Variants in LY75 observed in about 807,000 individuals in gnomAD.
The protein encoded by LY75 is lymphocyte antigen 75.
In LY75, 185 loss-of-function variants were observed where a neutral mutation model predicts 231.7. That is an observed-to-expected ratio of 0.80 (90% confidence interval 0.71 to 0.90). The LOEUF is 0.90. Among genes scored for constraint, LY75 ranks in the 40% least tolerant of loss-of-function variants. The pLI is 0.00. For missense variants in LY75, 1,947 were observed against 2,050.2 expected, an observed-to-expected ratio of 0.95 and a Z score of 0.97; for synonymous variants, 668 against 689.0, an observed-to-expected ratio of 0.97 and a Z score of 0.48.
intron 5 of LY75, among the ~76,000 whole-genome samples, chr2:159,886,098 G>C (rs1486256292): frequency 6.6e-6 from 1 of 152,120 alleles, no homozygotes; most frequent in East Asian, 1.9e-4. Context: ...ACACAGCATG[G>C]GTGAGTTATA....
chr2:159,819,773 G>A lies in LY75; in HGVS notation c.4106C>T (p.Ala1369Val). The A allele has an allele frequency of 2.5e-6, 4 of 1,613,706 alleles. No homozygotes were observed. Among genetic ancestry groups the A allele is most frequent in the Non-Finnish European group, 3.4e-6 (4 of 1,179,872 alleles). The change falls in exon 29 of 35, where the codon GCA becomes GTA. Residue 1369 changes from alanine (A) to valine (V), a missense_variant. Ala to Val is a moderately conservative substitution (Grantham distance 64). Transcript: ENST00000263636. ...AATGCTGTGCTGGTGAAAATAAACT[G>A]CTTCTTCAATAACTTTAAAGGTTTG... ...DIQTFKVIEE[A>V]VYFHQHSILA...
chr2:159,825,300 C>A (rs1683427029), intron 28 of LY75, among the ~76,000 whole-genome samples: 1 of 152,132 alleles, frequency 6.6e-6, no homozygotes, highest in South Asian at 2.1e-4. Flanking sequence ...CACAGAAATA[C>A]AAACTACCAT....
intron 32 of LY75, among the ~76,000 whole-genome samples, chr2:159,808,939 G>A (rs1461620350): frequency 6.6e-6 from 1 of 152,120 alleles, no homozygotes; most frequent in African/African-American, 2.4e-5. Flanking sequence ...TTTGAACCCA[G>A]ACCCTCATGC....
rs1263441402 is a variant in LY75 at position 159,806,883 on chromosome 2, C to T, written c.4990+90G>A. On this transcript the variant is annotated intron_variant, in intron 34 of 34. Transcript: ENST00000263636. Reference sequence around the variant, plus strand: ...ACTTTAAGGACTAAATACTTCAAGACTAAATACAGAATTTTGTACATAATT... The same window carrying T: ...ACTTTAAGGACTAAATACTTCAAGATTAAATACAGAATTTTGTACATAATT... 4.8e-6 allele frequency: 7 copies of T among 1,460,426 alleles called. No homozygotes were observed. The African/African-American group carries it at 9.9e-5, about 21-fold the overall frequency. The allele number at this position is 1,460,426 out of a possible 1,614,324, so 90.5% of individuals were successfully genotyped here.
chr2:159,888,547 A>G (rs2125880866), intron 4 of LY75, among the ~76,000 whole-genome samples: 1 of 152,354 alleles, frequency 6.6e-6, no homozygotes, highest in African/African-American at 2.4e-5. Context: ...TAATGGATTT[A>G]TCTGGAGAAA....
intron 30 of LY75, among the ~76,000 whole-genome samples, chr2:159,815,787 A>T (rs866548235): frequency 1.3e-5 from 2 of 152,364 alleles, no homozygotes; most frequent in African/African-American, 4.8e-5. Context: ...GGAGAACTTT[A>T]AACTTACAGA....
intron 6 of LY75, among the ~76,000 whole-genome samples, chr2:159,883,375 TAACTC>T (rs1163551680): frequency 3.3e-5 from 5 of 149,626 alleles, no homozygotes; most frequent in Admixed American, 7.0e-5. Context: ...ACTTGCGAGA[TAACTC>T]AATTAACTTT....
chr2:159,865,269 G>T (rs1297932095), intron 13 of LY75, among the ~76,000 whole-genome samples: 2 of 152,086 alleles, frequency 1.3e-5, no homozygotes, highest in Non-Finnish European at 2.9e-5. Context: ...TAAAGTGTTT[G>T]TCTATAACAC....
At chr2:159,858,265 T>A in intron 16 of LY75, 97 bp downstream of exon 16, 10 of 1,448,360 alleles carry the variant, frequency 6.9e-6, no homozygotes, top group Non-Finnish European at 8.3e-6. Flanking sequence ...CTTTTAGACA[T>A]CAGAATTATA....
At chr2:159,812,285 CT>C (rs34316295) in intron 31 of LY75, 50,213 of 133,738 alleles carry the variant, frequency 0.38, 9,117 homozygotes, top group Admixed American at 0.5. Context: ...GCTTCCAACT[CT>C]TTTTTTTTTT....
intron 28 of LY75, among the ~76,000 whole-genome samples, chr2:159,831,284 A>G (rs539714810): frequency 3.9e-5 from 6 of 152,274 alleles, no homozygotes; most frequent in South Asian, 2.1e-4. Flanking sequence ...CTGCTCCACC[A>G]TAGTAAAACC....
At chr2:159,824,524 C>A (rs573701824) in intron 28 of LY75, among the ~76,000 whole-genome samples, 99 of 152,270 alleles carry the variant, frequency 6.5e-4, no homozygotes, top group African/African-American at 2.2e-3. Flanking sequence ...TAGTGGGAGA[C>A]TTTAACACCC....
At position 159,807,060 on chromosome 2, in the gene LY75, A is replaced by G. The variant is rs754096726; in HGVS notation, c.4903T>C (p.Cys1635Arg). The stretch of plus-strand genomic sequence containing the variant: ...TCATTTGAAGCTATCAACATGCTAC[A>G]TCTTCCAACACCACTCTTACTTTTA... The part of the protein sequence containing the change: ...ENKSKSGVGR[C>R]SMLIASNETW... Residue 1635 changes from cysteine to arginine, a missense_variant, in exon 34 of 35, where the codon TGT becomes CGT. Cys to Arg is a radical substitution (Grantham distance 180, BLOSUM62 -3). Coordinates refer to ENST00000263636, the MANE Select transcript of LY75 (RefSeq NM_002349.4). 1.2e-6 allele frequency: 2 copies of G among 1,613,972 alleles called. No homozygotes were observed. Among genetic ancestry groups the G allele is most frequent in the South Asian group, 1.1e-5 (1 of 91,030 alleles).
At position 159,878,320 on chromosome 2, in the gene LY75, T is replaced by C. The variant is rs1250168731; in HGVS notation, c.1774+4A>G. The C allele has an allele frequency of 6.2e-6, 10 of 1,613,458 alleles. No homozygotes were observed. In the South Asian group the frequency reaches 9.9e-5, roughly 16 times the overall value. The stretch of plus-strand genomic sequence containing the variant: ...ACTACTACTTCAAAGATTAAGACAC[T>C]CACCTGGCTCAAGAAAATTCCAGTT... On this transcript the variant is annotated splice_donor_region_variant and intron_variant, in intron 11 of 34. Transcript: ENST00000263636.
rs548130766 is a variant in LY75, at chr2:159,814,755, G to A, written c.4549+650C>T. 2.6e-5 allele frequency among the ~76,000 whole-genome samples: 4 copies of A among 151,680 alleles called. No individual in the cohort carries two copies. The South Asian group carries it at 6.3e-4, about 24-fold the overall frequency. ...GAAACTCTCTTAGAAACTTTAATAC[G>A]GTAAATCACATGAGGTGTTCCCCAA... On this transcript the variant is annotated intron_variant, in intron 31 of 34. Coordinates refer to ENST00000263636, the MANE Select transcript of LY75 (RefSeq NM_002349.4).
rs1224824459 is a variant in LY75, at chr2:159,898,726, C to G, written c.428G>C (p.Gly143Ala). 6.2e-7 allele frequency: 1 copy of G among 1,614,138 alleles called. No individual in the cohort carries two copies. Among genetic ancestry groups the G allele is most frequent in the Non-Finnish European group, 8.5e-7 (1 of 1,179,976 alleles). ...GTCACAAAGGCTTTCCTCTGAGCCT[C>G]CTTTCTTCCAGACATCAGATGCATT... ...ISNASDVWKK[G>A]GSEESLCDQP... The change falls in exon 2 of 35, where the codon GGA (glycine) becomes GCA (alanine). Residue 143 changes from glycine (G) to alanine (A), a missense_variant. Gly to Ala is a moderately conservative substitution (Grantham distance 60). Transcript: ENST00000263636.
At chr2:159,863,228 G>T (rs910428394) in intron 14 of LY75, among the ~76,000 whole-genome samples, 2 of 152,034 alleles carry the variant, frequency 1.3e-5, no homozygotes, top group Non-Finnish European at 2.9e-5. Flanking sequence ...CACTTAGGTT[G>T]ATTTCCTATC....
At chr2:159,863,277 A>G (rs1226012730) in intron 14 of LY75, among the ~76,000 whole-genome samples, 5 of 152,068 alleles carry the variant, frequency 3.3e-5, no homozygotes, top group Non-Finnish European at 5.9e-5. Context: ...CCCTCCGAGT[A>G]TCTTAAACAT....
At chr2:159,819,630 A>T in intron 29 of LY75, 96 bp downstream of exon 29, 1 of 1,410,018 alleles carries the variant, frequency 7.1e-7, no homozygotes, top group Non-Finnish European at 9.6e-7. Context: ...CTGAATACAG[A>T]GGAAGCATTT....
Sources: allele counts gnomAD v4.1 joint callset (sites outside exome capture counted in the v4.1 genomes callset), GRCh38; gene constraint gnomAD v4.1.1; transcripts MANE v1.5; gene names NCBI Gene and HGNC (gene_info 2026-07-23, HGNC 2026-07-21).